PLEKHG1: variants seen among roughly 807,000 people sequenced by gnomAD.
PLEKHG1 encodes pleckstrin homology domain-containing family G member 1.
In PLEKHG1, 44 loss-of-function variants were observed where a neutral mutation model predicts 100.8. The observed-to-expected ratio is 0.44, with a 90% confidence interval of 0.34 to 0.56. PLEKHG1 has a LOEUF of 0.56. Among genes scored for constraint, PLEKHG1 ranks in the 20% least tolerant of loss-of-function variants. The pLI, the probability that PLEKHG1 is intolerant of heterozygous loss-of-function variation, is 0.01. For synonymous variants in PLEKHG1, 640 were observed against 662.5 expected, an observed-to-expected ratio of 0.97 and a Z score of 0.52; for missense variants, 1,545 against 1,720.9, an observed-to-expected ratio of 0.90 and a Z score of 1.81.
chr6:150,832,997 C>T (rs555449203), intron 15 of PLEKHG1, among the ~76,000 whole-genome samples: 1 of 149,716 alleles, frequency 6.7e-6, no homozygotes, highest in African/African-American at 2.5e-5. Context: ...CTTAGTTGCT[C>T]GCACTATAAA....
At chr6:150,777,883 C>T (rs556344545) in intron 3 of PLEKHG1, among the ~76,000 whole-genome samples, 3 of 152,400 alleles carry the variant, frequency 2.0e-5, no homozygotes, top group Non-Finnish European at 4.4e-5. Flanking sequence ...GTAGTCTCCA[C>T]CCCCGAGGCT....
chr6:150,797,834 CAAAAAAAAAAAAAAAAAAAAAAAAA>C (rs58218481), intron 5 of PLEKHG1, among the ~76,000 whole-genome samples: 1 of 23,910 alleles, frequency 4.2e-5, no homozygotes, highest in African/African-American at 1.8e-4. Flanking sequence ...GACTCTGTCT[CAAAAAAAAAAAAAAAAAAAAAAAAA>C]AAAAAAAAAA....
chr6:150,721,394 AGAT>A (rs1054178703), intron 1 of PLEKHG1, among the ~76,000 whole-genome samples: 24 of 88,818 alleles, frequency 2.7e-4, no homozygotes, highest in African/African-American at 8.3e-4. Context: ...GAAGTCTGGA[AGAT>A]GATTTTTTTC....
intron 1 of PLEKHG1, chr6:150,625,818 A>G (rs1777484884): frequency 6.6e-6 from 1 of 152,160 alleles, no homozygotes; most frequent in African/African-American, 2.4e-5. Flanking sequence ...TAAAGACCCT[A>G]GTTCCAAATA....
At chr6:150,688,315 GT>G (rs58023452) in intron 3 of PLEKHG1, among the ~76,000 whole-genome samples, 44,177 of 147,824 alleles carry the variant, frequency 0.3, 7,995 homozygotes, top group African/African-American at 0.52. Flanking sequence ...TTCTTCCTTT[GT>G]TTTTTTTTTT....
At chr6:150,761,966 G>A (rs980737241) in intron 2 of PLEKHG1, among the ~76,000 whole-genome samples, 25 of 152,104 alleles carry the variant, frequency 1.6e-4, no homozygotes, top group Admixed American at 9.8e-4. Flanking sequence ...CTGAACAGGC[G>A]CATGTATCAT....
At chr6:150,756,109 G>A (rs1029798116) in intron 2 of PLEKHG1, among the ~76,000 whole-genome samples, 3 of 152,212 alleles carry the variant, frequency 2.0e-5, no homozygotes, top group Admixed American at 2.0e-4. Flanking sequence ...TTTTCACCCT[G>A]TGGGGCATGA....
chr6:150,831,401 A>C lies in PLEKHG1; in HGVS notation c.2290A>C (p.Lys764Gln). The change falls in exon 15 of 16, where the codon AAG (lysine) becomes CAG (glutamine). Residue 764 changes from lysine to glutamine, a missense_variant. Lys to Gln is a moderately conservative substitution (Grantham distance 53, BLOSUM62 1). Coordinates refer to ENST00000358517, the Ensembl canonical transcript of PLEKHG1. This position sits in a 1 kb window ranked among gnomAD's most constrained non-coding sequence, Gnocchi z 4.1. ...TAAGTGCAGCAGCCTAAAGCGTGCA[A>C]AGCGGAGCACCTTTTTGGGTCTGGA... The C allele has an allele frequency of 6.2e-7, 1 of 1,614,142 alleles. No individual in the cohort carries two copies. The highest frequency in any genetic ancestry group is 8.5e-7 in the Non-Finnish European group (1 of 1,180,032).
chr6:150,603,965 C>G (rs1546096), intron 1 of PLEKHG1, among the ~76,000 whole-genome samples: 6,717 of 152,196 alleles, frequency 0.044, 359 homozygotes, highest in African/African-American at 0.11. Context: ...AGGGCTTTCA[C>G]TCGGTCTTTA....
intron 3 of PLEKHG1, among the ~76,000 whole-genome samples, chr6:150,701,126 C>T (rs1407978344): frequency 4.0e-5 from 6 of 151,574 alleles, no homozygotes; most frequent in Admixed American, 2.0e-4. Context: ...TTGAGACCCA[C>T]GTGGCCAACA....
At chr6:150,707,520 G>A (rs1289816615) in intron 3 of PLEKHG1, among the ~76,000 whole-genome samples, 1 of 152,120 alleles carries the variant, frequency 6.6e-6, no homozygotes, top group East Asian at 1.9e-4. Context: ...GGTGAGGACT[G>A]TGGCACACTG....
intron 3 of PLEKHG1, among the ~76,000 whole-genome samples, chr6:150,785,798 C>G (rs1024716746): frequency 6.6e-6 from 1 of 151,974 alleles, no homozygotes; most frequent in Admixed American, 6.6e-5. Flanking sequence ...AGCTGAGCTC[C>G]ACCTCCTGTC....
At chr6:150,719,781 G>T (rs1053174220), upstream of PLEKHG1, among the ~76,000 whole-genome samples, 1 of 152,184 alleles carries the variant, frequency 6.6e-6, no homozygotes, top group African/African-American at 2.4e-5. Context: ...GCCCAGGGAG[G>T]ACCCTGCCTC....
intron 3 of PLEKHG1, among the ~76,000 whole-genome samples, chr6:150,699,938 A>G (rs9480540): frequency 0.055 from 8,429 of 152,276 alleles, 305 homozygotes; most frequent in Admixed American, 0.085. Flanking sequence ...AACTCCTGCT[A>G]TGTTTAACAT....
At chr6:150,678,785 T>G (rs1481804229) in intron 3 of PLEKHG1, among the ~76,000 whole-genome samples, 4 of 152,234 alleles carry the variant, frequency 2.6e-5, no homozygotes. Context: ...TCTTGAGGTG[T>G]TGTTAGGAAT....
chr6:150,631,393 T>C (rs561351732), intron 1 of PLEKHG1, among the ~76,000 whole-genome samples: 10 of 152,174 alleles, frequency 6.6e-5, no homozygotes, highest in Non-Finnish European at 8.8e-5. Context: ...TGGGGAGTGA[T>C]GCAATGGGTG....
intron 1 of PLEKHG1, among the ~76,000 whole-genome samples, chr6:150,628,577 C>CACACACACACACACACACATA (rs3046186): frequency 1.4e-5 from 2 of 147,306 alleles, no homozygotes; most frequent in South Asian, 2.1e-4. Context: ...CACACACACA[C>CACACACACACACACACACATA]CCCGTCCTTG....
At chr6:150,801,628 T>C (rs192334507) in intron 6 of PLEKHG1, among the ~76,000 whole-genome samples, 2 of 151,672 alleles carry the variant, frequency 1.3e-5, no homozygotes, top group Admixed American at 6.6e-5. Context: ...TTGGTAGAGA[T>C]AGAGTTTCAC....
At chr6:150,681,159 C>A (rs553654410) in intron 3 of PLEKHG1, among the ~76,000 whole-genome samples, 1 of 152,110 alleles carries the variant, frequency 6.6e-6, no homozygotes. Context: ...AGCGAGTGGT[C>A]GGGTGAATTT....
Sources: gnomAD v4.1 joint callset for allele counts (sites outside exome capture counted in the v4.1 genomes callset) on GRCh38, gnomAD v4.1.1 for gene constraint, Gnocchi (gnomAD v3.1) non-coding constraint, MANE v1.5 for transcripts, NCBI Gene and HGNC (gene_info 2026-07-23, HGNC 2026-07-21) for gene names.